Variants in TSHZ1 observed in about 807,000 individuals in gnomAD.
The protein encoded by TSHZ1 is teashirt homolog 1.
A neutral mutation model predicts 67.1 loss-of-function variants in TSHZ1; 12 were observed. That is an observed-to-expected ratio of 0.18 (90% CI 0.11 to 0.29). The LOEUF is 0.29. Among genes scored for constraint, TSHZ1 ranks in the 10% least tolerant of loss-of-function variants. TSHZ1 has a pLI of 1.00. For missense variants in TSHZ1, 1,305 were observed against 1,413.9 expected, an observed-to-expected ratio of 0.92 and a Z score of 1.23; for synonymous variants, 632 against 622.4, an observed-to-expected ratio of 1.02 and a Z score of -0.23.
At chr18:75,253,135 T>C (rs1568361066) in intron 1 of TSHZ1, among the ~76,000 whole-genome samples, 1 of 152,206 alleles carries the variant, frequency 6.6e-6, no homozygotes, top group South Asian at 2.1e-4. Context: ...GCCTAGGTTA[T>C]TTATTTATCT....
Position 75,287,128 on chromosome 18 carries a change from G to T in TSHZ1, c.1721G>T (p.Gly574Val). ...SKAQNGAPSW[G>V]GYPSIHAAYQ... ...GCTCAGAATGGTGCGCCCTCATGGGGTGGCTACCCCAGCATCCATGCAGCC... is the reference window on the plus strand; with the variant it reads ...GCTCAGAATGGTGCGCCCTCATGGGTTGGCTACCCCAGCATCCATGCAGCC... Residue 574 changes from glycine to valine, a missense_variant, in exon 2 of 2, where the codon GGT (glycine) becomes GTT (valine). This residue lies in a region of TSHZ1 where 909 missense variants were observed against 961.8 expected (regional missense o/e 0.95). Transcript: ENST00000580243. This position sits in a 1 kb window ranked among gnomAD's most constrained non-coding sequence, Gnocchi z 5.0. 6.2e-7 allele frequency: 1 copy of T among 1,614,110 alleles called. No individual in the cohort carries two copies. The highest frequency in any genetic ancestry group is 8.5e-7 in the Non-Finnish European group (1 of 1,180,022).
chr18:75,274,384 G>T (rs1467826196), intron 1 of TSHZ1, among the ~76,000 whole-genome samples: 1 of 152,108 alleles, frequency 6.6e-6, no homozygotes, highest in East Asian at 1.9e-4. Context: ...AACGGTGAGG[G>T]TGTAGTGGAG....
At chr18:75,244,917 T>G (rs187029979) in intron 1 of TSHZ1, among the ~76,000 whole-genome samples, 5 of 152,294 alleles carry the variant, frequency 3.3e-5, no homozygotes, top group Admixed American at 3.3e-4. Context: ...CCTAAATATG[T>G]GAACGTTTGT....
At chr18:75,280,342 A>C (rs144998958) in intron 1 of TSHZ1, among the ~76,000 whole-genome samples, 1 of 152,268 alleles carries the variant, frequency 6.6e-6, no homozygotes, top group Non-Finnish European at 1.5e-5. Context: ...AAGAGCATCA[A>C]TGTTTTAACA....
rs1403909754 is a variant in TSHZ1 at position 75,288,512 on chromosome 18, C to T, written c.3105C>T (p.Ser1035=). The change falls in exon 2 of 2, where the codon TCC becomes TCT. Residue 1035 remains serine, a synonymous_variant. Transcript: ENST00000580243. The surrounding 1 kb of genome is among the most constrained non-coding windows in gnomAD (Gnocchi z 4.9). The part of the protein sequence containing the change: ...PLGATEEDLG[S]TFQCKLCNRT... The stretch of plus-strand genomic sequence containing the variant: ...GGGCCACCGAGGAAGACTTGGGCTC[C>T]ACATTCCAATGTAAGCTCTGCAACC... 2 of 1,614,102 alleles carry T rather than the reference C, an allele frequency of 1.2e-6. No individual in the cohort carries two copies. The highest frequency in any genetic ancestry group is 1.7e-6 in the Non-Finnish European group (2 of 1,180,056).
In TSHZ1 at chr18:75,288,515, A is replaced by G. The variant is rs376025901; in HGVS notation, c.3108A>G (p.Thr1036=). 1.7e-5 allele frequency: 27 copies of G among 1,614,128 alleles called. No homozygotes were observed. Among genetic ancestry groups the G allele is most frequent in the Non-Finnish European group, 2.0e-5 (24 of 1,180,052 alleles). Residue 1036 remains threonine, a synonymous_variant, in exon 2 of 2, where the codon ACA becomes ACG. Coordinates refer to ENST00000580243, the MANE Select transcript of TSHZ1 (RefSeq NM_001308210.2). The surrounding 1 kb of genome is among the most constrained non-coding windows in gnomAD (Gnocchi z 4.9). ...LGATEEDLGS[T]FQCKLCNRTF... is the part of the protein sequence containing the mutation. ...CCACCGAGGAAGACTTGGGCTCCAC[A>G]TTCCAATGTAAGCTCTGCAACCGGA... is the stretch of plus-strand genomic sequence containing the variant.
At chr18:75,270,441 G>T (rs146844796) in intron 1 of TSHZ1, among the ~76,000 whole-genome samples, 1 of 152,232 alleles carries the variant, frequency 6.6e-6, no homozygotes. Flanking sequence ...CAGATATTCT[G>T]TGGGTATGAA....
chr18:75,287,711 G>T lies in TSHZ1; in HGVS notation c.2304G>T (p.Leu768=). The T allele has an allele frequency of 1.2e-6, 2 of 1,614,200 alleles. No homozygotes were observed. Among genetic ancestry groups the T allele is most frequent in the Non-Finnish European group, 8.5e-7 (1 of 1,180,036 alleles). The change falls in exon 2 of 2, where the codon CTG becomes CTT. Residue 768 remains leucine, a synonymous_variant. Transcript: ENST00000580243. This position sits in a 1 kb window ranked among gnomAD's most constrained non-coding sequence, Gnocchi z 5.0. ...TGTCCAAGCCCGTGAGTCCCTCGCT[G>T]GACCCGCTGGCGATGCTGTACAAGA... ...GKVSKPVSPS[L]DPLAMLYKIS...
At chr18:75,220,781 T>C (rs2022835960) in intron 1 of TSHZ1, among the ~76,000 whole-genome samples, 1 of 152,226 alleles carries the variant, frequency 6.6e-6, no homozygotes, top group Non-Finnish European at 1.5e-5. Context: ...CAGTAAGCAG[T>C]TTTCTTAGAT....
chr18:75,223,382 C>G (rs2022874839), intron 1 of TSHZ1, among the ~76,000 whole-genome samples: 1 of 152,094 alleles, frequency 6.6e-6, no homozygotes, highest in African/African-American at 2.4e-5. Context: ...ATTTTGATGT[C>G]AGGCTGGTTA....
chr18:75,214,126 G>T (rs1328798975), intron 1 of TSHZ1, among the ~76,000 whole-genome samples: 1 of 152,162 alleles, frequency 6.6e-6, no homozygotes, highest in Non-Finnish European at 1.5e-5. Context: ...TTCATTAGAT[G>T]AGCCATTGTT....
rs2023818285 is a variant in TSHZ1 at position 75,288,561 on chromosome 18, G to A, written c.3154G>A (p.Val1052Ile). 1 of 1,614,094 alleles carries A rather than the reference G, an allele frequency of 6.2e-7. No homozygotes were observed. Among genetic ancestry groups the A allele is most frequent in the African/African-American group, 1.3e-5 (1 of 74,940 alleles). ...CNRTFASKHAVKLHLSKTHGK... is the reference protein window; with the variant it reads ...CNRTFASKHAIKLHLSKTHGK... The stretch of plus-strand genomic sequence containing the variant: ...CCGGACTTTTGCGAGCAAGCACGCA[G>A]TCAAACTGCACCTTAGTAAGACCCA... The change falls in exon 2 of 2, where the codon GTC becomes ATC. Residue 1052 changes from valine to isoleucine, a missense_variant. Physicochemically the swap from Val to Ile is conservative, Grantham distance 29. Transcript: ENST00000580243. The surrounding 1 kb of genome is among the most constrained non-coding windows in gnomAD (Gnocchi z 4.9).
At chr18:75,264,892 A>T (rs1215873837) in intron 1 of TSHZ1, among the ~76,000 whole-genome samples, 1 of 152,248 alleles carries the variant, frequency 6.6e-6, no homozygotes, top group Non-Finnish European at 1.5e-5. Context: ...CGCTTTAGGC[A>T]AAGATGTACT....
chr18:75,287,258 C>T lies in TSHZ1; in HGVS notation c.1851C>T (p.His617=). ...GGVKSLSSAE[H]NALLHSPGSL... is the part of the protein sequence containing the mutation. ...TGAAGTCGCTGTCTTCCGCCGAGCA[C>T]AACGCCCTCCTGCACTCCCCAGGGA... Residue 617 remains histidine (H), a synonymous_variant, in exon 2 of 2, where the codon CAC becomes CAT. Coordinates refer to ENST00000580243, the MANE Select transcript of TSHZ1 (RefSeq NM_001308210.2). The surrounding 1 kb of genome is among the most constrained non-coding windows in gnomAD (Gnocchi z 5.0). 2 of 1,614,040 alleles carry T rather than the reference C, an allele frequency of 1.2e-6. No homozygotes were observed. The highest frequency in any genetic ancestry group is 1.7e-6 in the Non-Finnish European group (2 of 1,179,992).
chr18:75,273,697 T>A (rs892878432), intron 1 of TSHZ1, among the ~76,000 whole-genome samples: 3 of 152,250 alleles, frequency 2.0e-5, no homozygotes, highest in Non-Finnish European at 2.9e-5. Flanking sequence ...CATTGCCTTA[T>A]GTCCACTCAC....
chr18:75,220,333 A>G (rs1419950400), intron 1 of TSHZ1, among the ~76,000 whole-genome samples: 1 of 152,106 alleles, frequency 6.6e-6, no homozygotes, highest in Non-Finnish European at 1.5e-5. Context: ...TTTTAACTTC[A>G]CTGGAGAAAT....
chr18:75,280,751 C>T (rs889918118), intron 1 of TSHZ1: 8 of 985,292 alleles, frequency 8.1e-6, no homozygotes, highest in East Asian at 1.1e-4. Context: ...AACCCAGAGG[C>T]GCAGGAGCCT....
intron 1 of TSHZ1, among the ~76,000 whole-genome samples, chr18:75,251,493 G>GTTTTTT (rs3067027): frequency 8.6e-5 from 12 of 139,422 alleles, no homozygotes; most frequent in African/African-American, 2.9e-4. Flanking sequence ...TTTCTTTAGG[G>GTTTTTT]TTTTTTTTTT....
At chr18:75,250,730 C>T (rs537935181) in intron 1 of TSHZ1, among the ~76,000 whole-genome samples, 1 of 152,324 alleles carries the variant, frequency 6.6e-6, no homozygotes, top group South Asian at 2.1e-4. Context: ...CCTTTACCGT[C>T]CGGATGGGTC....
Sources: allele counts gnomAD v4.1 joint callset (sites outside exome capture counted in the v4.1 genomes callset), GRCh38; gene constraint gnomAD v4.1.1; regional missense constraint gnomAD v4.1.1; non-coding constraint Gnocchi (gnomAD v3.1); transcripts MANE v1.5; gene names NCBI Gene and HGNC (gene_info 2026-07-23, HGNC 2026-07-21).